Variants in GPC5 observed in about 807,000 individuals in gnomAD.
The protein encoded by GPC5 is glypican-5.
Under a neutral mutation model 53.9 loss-of-function variants are expected in GPC5, and 47 were observed. That is an observed-to-expected ratio of 0.87 (90% CI 0.69 to 1.11). The LOEUF is 1.11. Among genes scored for constraint, GPC5 ranks in the 50% most tolerant of loss-of-function variants. The probability of loss-of-function intolerance (pLI) is 0.00; values close to 1 mark genes in which losing one functional copy is unlikely to be tolerated. For missense variants in GPC5, 748 were observed against 713.1 expected, an observed-to-expected ratio of 1.05 and a Z score of -0.56; for synonymous variants, 286 against 263.3, an observed-to-expected ratio of 1.09 and a Z score of -0.84.
intron 3 of GPC5, among the ~76,000 whole-genome samples, chr13:91,695,893 G>A (rs927520400): frequency 2.0e-5 from 3 of 152,116 alleles, no homozygotes; most frequent in Non-Finnish European, 2.9e-5. Flanking sequence ...AATCTATCCT[G>A]TAGAAAATCT....
At chr13:92,799,897 T>C (rs1876837031) in intron 7 of GPC5, among the ~76,000 whole-genome samples, 1 of 151,860 alleles carries the variant, frequency 6.6e-6, no homozygotes, top group Non-Finnish European at 1.5e-5. Flanking sequence ...ATGAATCGGC[T>C]CTGATTCAAA....
At chr13:91,933,991 T>C (rs2039846535) in intron 6 of GPC5, among the ~76,000 whole-genome samples, 1 of 151,926 alleles carries the variant, frequency 6.6e-6, no homozygotes, top group Non-Finnish European at 1.5e-5. Flanking sequence ...TCCCTTGTAG[T>C]GGATATGTCC....
intron 7 of GPC5, among the ~76,000 whole-genome samples, chr13:92,563,889 T>C (rs1225976685): frequency 6.6e-6 from 1 of 152,010 alleles, no homozygotes; most frequent in Non-Finnish European, 1.5e-5. Flanking sequence ...CACTTGTGGA[T>C]CTAGAAATTT....
At chr13:92,595,400 T>C (rs1441430974) in intron 7 of GPC5, among the ~76,000 whole-genome samples, 1 of 152,160 alleles carries the variant, frequency 6.6e-6, no homozygotes, top group African/African-American at 2.4e-5. Flanking sequence ...ATAAACAATG[T>C]TTGCAGTAAG....
intron 5 of GPC5, among the ~76,000 whole-genome samples, chr13:91,835,051 A>AAAAAAAC (rs2038707552): frequency 1.3e-5 from 2 of 151,590 alleles, no homozygotes; most frequent in Admixed American, 6.6e-5. Context: ...AATTTACAAG[A>AAAAAAAC]AAACAACCCC....
At chr13:91,768,694 A>G (rs2037568371) in intron 5 of GPC5, among the ~76,000 whole-genome samples, 1 of 152,230 alleles carries the variant, frequency 6.6e-6, no homozygotes, top group South Asian at 2.1e-4. Flanking sequence ...ACAACAGTTT[A>G]GAATAAATAC....
At chr13:91,512,223 C>A (rs1054697492) in intron 2 of GPC5, among the ~76,000 whole-genome samples, 3 of 152,218 alleles carry the variant, frequency 2.0e-5, no homozygotes, top group African/African-American at 7.2e-5. Flanking sequence ...TTCCACAAAG[C>A]AAATTTCTCT....
intron 7 of GPC5, among the ~76,000 whole-genome samples, chr13:92,177,490 A>T (rs2042116836): frequency 6.6e-6 from 1 of 152,290 alleles, no homozygotes; most frequent in South Asian, 2.1e-4. Flanking sequence ...ATAATTATAC[A>T]AATTACTTAC....
intron 7 of GPC5, among the ~76,000 whole-genome samples, chr13:92,791,381 T>C (rs1317115751): frequency 2.0e-5 from 3 of 150,680 alleles, no homozygotes; most frequent in African/African-American, 7.4e-5. Flanking sequence ...TACACATTCA[T>C]TATACGTGTG....
intron 2 of GPC5, among the ~76,000 whole-genome samples, chr13:91,666,872 T>G (rs536857807): frequency 1.3e-5 from 2 of 152,190 alleles, no homozygotes; most frequent in African/African-American, 4.8e-5. Flanking sequence ...CTTTTGGAAT[T>G]TTTTAGGTAT....
intron 7 of GPC5, among the ~76,000 whole-genome samples, chr13:92,745,588 G>T (rs1052666254): frequency 6.6e-6 from 1 of 152,126 alleles, no homozygotes; most frequent in African/African-American, 2.4e-5. Context: ...GAGTCCTCTG[G>T]TCATTAGGGT....
At chr13:91,658,098 A>G (rs7324760) in intron 2 of GPC5, among the ~76,000 whole-genome samples, 31,915 of 152,018 alleles carry the variant, frequency 0.21, 5,324 homozygotes, top group African/African-American at 0.45. Context: ...ATATTAAAAT[A>G]TATACATATT....
intron 7 of GPC5, among the ~76,000 whole-genome samples, chr13:92,621,039 G>A (rs141257433): frequency 6.6e-6 from 1 of 152,230 alleles, no homozygotes; most frequent in African/African-American, 2.4e-5. Context: ...ATTGAGTCTG[G>A]GAAACCTACA....
At chr13:91,807,132 T>C (rs1227869743) in intron 5 of GPC5, among the ~76,000 whole-genome samples, 1 of 152,260 alleles carries the variant, frequency 6.6e-6, no homozygotes, top group East Asian at 1.9e-4. Flanking sequence ...AGATTAATCA[T>C]AGTTTTGGGG....
At chr13:91,547,309 A>C (rs1476374034) in intron 2 of GPC5, among the ~76,000 whole-genome samples, 2 of 152,038 alleles carry the variant, frequency 1.3e-5, no homozygotes. Context: ...TAATACCAGA[A>C]ACAAAAAGGG....
chr13:92,866,399 C>T lies in GPC5; in HGVS notation c.1679C>T (p.Thr560Ile), dbSNP rs766268211. Residue 560 changes from threonine (T) to isoleucine (I), a missense_variant, in exon 8 of 8, where the codon ACT (threonine) becomes ATT (isoleucine). Thr to Ile is a moderately conservative substitution (Grantham distance 89). Coordinates refer to ENST00000377067, the MANE Select transcript of GPC5 (RefSeq NM_004466.6). ...GTGGCGACTGAATCTATGACATTCA[C>T]TCTGATAAGTGTGGTGATGTTACTT... ...CAVATESMTF[T>I]LISVVMLLPG... 6.8e-6 allele frequency: 11 copies of T among 1,611,366 alleles called. No individual in the cohort carries two copies. In the South Asian group the frequency reaches 1.1e-4, roughly 16 times the overall value.
At chr13:91,468,082 A>G (rs1882361732) in intron 2 of GPC5, among the ~76,000 whole-genome samples, 1 of 152,138 alleles carries the variant, frequency 6.6e-6, no homozygotes, top group Admixed American at 6.6e-5. Flanking sequence ...AGTGAAAGAG[A>G]GAAAGTCAGC....
chr13:92,672,594 G>A (rs1886788557), intron 7 of GPC5, among the ~76,000 whole-genome samples: 1 of 152,152 alleles, frequency 6.6e-6, no homozygotes, highest in Admixed American at 6.6e-5. Flanking sequence ...TATGCTCACT[G>A]CAGCACTATT....
intron 7 of GPC5, among the ~76,000 whole-genome samples, chr13:92,556,978 G>T (rs1162731437): frequency 4.0e-5 from 6 of 151,850 alleles, no homozygotes; most frequent in African/African-American, 1.2e-4. Context: ...AAGAGAGAAG[G>T]AAAGGAGAGA....
Sources: gnomAD v4.1 joint callset for allele counts (sites outside exome capture counted in the v4.1 genomes callset) on GRCh38, gnomAD v4.1.1 for gene constraint, MANE v1.5 for transcripts, NCBI Gene and HGNC (gene_info 2026-07-23, HGNC 2026-07-21) for gene names.